Variants in SOX6 observed in about 807,000 individuals in gnomAD.
The protein encoded by SOX6 is SRY-box transcription factor 6.
A neutral mutation model predicts 97.8 loss-of-function variants in SOX6; 11 were observed. The observed-to-expected ratio is 0.11, with a 90% CI of 0.07 to 0.19. The LOEUF (loss-of-function observed/expected upper bound fraction) is 0.19, where lower values mean the gene tolerates loss of function less well. Among genes scored for constraint, SOX6 ranks in the 10% least tolerant of loss-of-function variants. The probability of loss-of-function intolerance (pLI) is 1.00; values close to 1 mark genes in which losing one functional copy is unlikely to be tolerated. For synonymous variants in SOX6, 360 were observed against 371.4 expected (o/e 0.97, Z 0.35); for missense variants, 810 against 1,039.5 (o/e 0.78, Z 3.04).
At chr11:16,010,197 G>T (rs1202851642) in intron 13 of SOX6, among the ~76,000 whole-genome samples, 1 of 149,576 alleles carries the variant, frequency 6.7e-6, no homozygotes, top group Non-Finnish European at 1.5e-5. Context: ...GAAGGGTAAG[G>T]TCATCTTGGC....
intron 1 of SOX6, among the ~76,000 whole-genome samples, chr11:16,444,494 G>A (rs935246005): frequency 2.9e-4 from 44 of 152,084 alleles, no homozygotes; most frequent in Admixed American, 2.9e-3. Flanking sequence ...ATAATGGCAA[G>A]GATAAGTTGG....
intron 3 of SOX6, among the ~76,000 whole-genome samples, chr11:16,621,761 T>C (rs904361307): frequency 6.6e-6 from 1 of 152,154 alleles, no homozygotes; most frequent in Non-Finnish European, 1.5e-5. Flanking sequence ...GTCATTCCTA[T>C]CTCCTAACAA....
intron 3 of SOX6, among the ~76,000 whole-genome samples, chr11:16,644,093 T>A (rs1848970289): frequency 6.6e-6 from 1 of 152,088 alleles, no homozygotes; most frequent in South Asian, 2.1e-4. Context: ...CAGGCTGGAG[T>A]GCAATGGTAC....
chr11:16,112,065 T>C (rs1849245098), intron 6 of SOX6, 142 bp from the exon 7 acceptor site: 1 of 1,060,872 alleles, frequency 9.4e-7, no homozygotes, highest in Non-Finnish European at 1.4e-6. Context: ...CTGAGAAAAT[T>C]CAGTTAAAAT....
chr11:16,530,630 T>G, intron 4 of SOX6, among the ~76,000 whole-genome samples: 1 of 152,058 alleles, frequency 6.6e-6, no homozygotes, highest in East Asian at 1.9e-4. Context: ...ATTAAAGTGA[T>G]AAGACTTAGG....
At chr11:16,203,435 G>A (rs1031160993) in intron 4 of SOX6, among the ~76,000 whole-genome samples, 1 of 152,048 alleles carries the variant, frequency 6.6e-6, no homozygotes, top group African/African-American at 2.4e-5. Context: ...AGAGTTTTTG[G>A]CCAATATATT....
intron 2 of SOX6, among the ~76,000 whole-genome samples, chr11:16,326,853 G>T (rs568806463): frequency 6.1e-4 from 93 of 152,288 alleles, no homozygotes; most frequent in Non-Finnish European, 1.2e-3. Context: ...AGTGGCTAAG[G>T]CCAAAGGCTT....
intron 9 of SOX6, among the ~76,000 whole-genome samples, chr11:16,074,692 C>T (rs1590178539): frequency 1.3e-5 from 2 of 152,108 alleles, no homozygotes; most frequent in South Asian, 4.1e-4. Flanking sequence ...TTATGAAACA[C>T]TGCCCAAAGA....
At chr11:16,504,929 C>T (rs189998532) in intron 4 of SOX6, among the ~76,000 whole-genome samples, 1 of 152,306 alleles carries the variant, frequency 6.6e-6, no homozygotes, top group Non-Finnish European at 1.5e-5. Flanking sequence ...AAATCCTGTA[C>T]AGCCCACAGA....
At chr11:16,439,539 A>G (rs912483465) in intron 1 of SOX6, among the ~76,000 whole-genome samples, 2 of 152,204 alleles carry the variant, frequency 1.3e-5, no homozygotes, top group African/African-American at 4.8e-5. Flanking sequence ...AAAGAATACT[A>G]TATAGACCTT....
intron 3 of SOX6, among the ~76,000 whole-genome samples, chr11:16,679,800 C>T (rs1418024688): frequency 2.0e-5 from 3 of 152,174 alleles, no homozygotes; most frequent in Non-Finnish European, 4.4e-5. Flanking sequence ...AGCACAAGAA[C>T]TTCGTGACAC....
chr11:16,460,086 A>G (rs1167691950), intron 1 of SOX6, among the ~76,000 whole-genome samples: 1 of 152,026 alleles, frequency 6.6e-6, no homozygotes. Flanking sequence ...GGCATATTAC[A>G]TATAAAGAAA....
At chr11:16,566,623 T>G (rs561823426) in intron 4 of SOX6, among the ~76,000 whole-genome samples, 52 of 152,342 alleles carry the variant, frequency 3.4e-4, no homozygotes, top group Non-Finnish European at 5.7e-4. Flanking sequence ...GAAATAGGCA[T>G]CAAAATAGTA....
chr11:16,080,768 T>G (rs1209643454), intron 9 of SOX6, among the ~76,000 whole-genome samples: 3 of 152,086 alleles, frequency 2.0e-5, no homozygotes, highest in Non-Finnish European at 4.4e-5. Flanking sequence ...CATTTACAAC[T>G]TACTACTGAA....
chr11:16,230,215 A>G (rs1852807237), intron 4 of SOX6, among the ~76,000 whole-genome samples: 1 of 151,812 alleles, frequency 6.6e-6, no homozygotes, highest in Non-Finnish European at 1.5e-5. Flanking sequence ...TTAATATGAA[A>G]TATTAAAAAC....
At chr11:16,453,342 AT>A (rs1168770628) in intron 1 of SOX6, among the ~76,000 whole-genome samples, 1 of 152,130 alleles carries the variant, frequency 6.6e-6, no homozygotes, top group East Asian at 1.9e-4. Flanking sequence ...TCTTACTTGG[AT>A]TTTTTTAAGG....
At chr11:16,093,187 T>C (rs1223413972) in intron 9 of SOX6, among the ~76,000 whole-genome samples, 1 of 151,940 alleles carries the variant, frequency 6.6e-6, no homozygotes, top group Non-Finnish European at 1.5e-5. Context: ...TTTAATAAAT[T>C]ATCAAAATTA....
intron 4 of SOX6, among the ~76,000 whole-genome samples, chr11:16,231,259 A>T (rs1852840606): frequency 6.6e-6 from 1 of 151,816 alleles, no homozygotes; most frequent in Non-Finnish European, 1.5e-5. Flanking sequence ...TACTATTCAA[A>T]CATATATTAA....
intron 1 of SOX6, among the ~76,000 whole-genome samples, chr11:16,424,065 T>C (rs1859075124): frequency 6.6e-6 from 1 of 152,150 alleles, no homozygotes; most frequent in African/African-American, 2.4e-5. Context: ...AGGCAATCTC[T>C]AGTAATCTGG....
Sources: gnomAD v4.1 joint callset for allele counts (sites outside exome capture counted in the v4.1 genomes callset) on GRCh38, gnomAD v4.1.1 for gene constraint, MANE v1.5 for transcripts, NCBI Gene and HGNC (gene_info 2026-07-23, HGNC 2026-07-21) for gene names.